The following USP37 variants were observed in gnomAD, a reference collection of about 807,000 sequenced individuals.
USP37 encodes ubiquitin carboxyl-terminal hydrolase 37.
Under a neutral mutation model 124.0 loss-of-function variants are expected in USP37, and 27 were observed. The observed-to-expected ratio is 0.22, with a 90% CI of 0.16 to 0.30. The LOEUF (loss-of-function observed/expected upper bound fraction) is 0.30. Ranked by LOEUF, USP37 falls within the 10% of genes least tolerant of loss-of-function variation. The probability of loss-of-function intolerance (pLI) is 1.00; values close to 1 mark genes in which losing one functional copy is unlikely to be tolerated. For missense variants in USP37, 889 were observed against 1,140.4 expected, an observed-to-expected ratio of 0.78 and a Z score of 3.17; for synonymous variants, 365 against 388.0, an observed-to-expected ratio of 0.94 and a Z score of 0.70.
At chr2:218,551,262 A>G (rs1315641016) in intron 5 of USP37, among the ~76,000 whole-genome samples, 6 of 152,234 alleles carry the variant, frequency 3.9e-5, no homozygotes, top group African/African-American at 1.4e-4. Context: ...TGCAAAGTAT[A>G]TAATAACCAC....
At chr2:218,540,155 TA>T (rs543133188) in intron 8 of USP37, among the ~76,000 whole-genome samples, 20 of 152,314 alleles carry the variant, frequency 1.3e-4, no homozygotes, top group African/African-American at 3.6e-4. Flanking sequence ...ATATAAGGGT[TA>T]CTTAACATAA....
chr2:218,544,428 T>A (rs59177597), intron 8 of USP37, among the ~76,000 whole-genome samples: 1 of 50,066 alleles, frequency 2.0e-5, no homozygotes, highest in East Asian at 7.2e-4. Context: ...TATATATATA[T>A]ATAGAGAGAG....
intron 11 of USP37, among the ~76,000 whole-genome samples, chr2:218,509,562 T>C (rs1689864193): frequency 6.6e-6 from 1 of 151,948 alleles, no homozygotes. Flanking sequence ...ACCTGCAACA[T>C]AGTGAGATCC....
chr2:218,466,229 T>C (rs548574390), intron 20 of USP37, 53 bp from the exon 21 acceptor site: 1 of 1,544,780 alleles, frequency 6.5e-7, no homozygotes, highest in South Asian at 1.2e-5. Flanking sequence ...AATGGAAATT[T>C]CTGAACTAGA....
At chr2:218,500,981 A>G (rs2105993684) in intron 11 of USP37, 1 of 165,540 alleles carries the variant, frequency 6.0e-6, no homozygotes, top group South Asian at 2.1e-4. Flanking sequence ...GATCAGCCAA[A>G]TCAACCCTGG....
In USP37 at chr2:218,558,675, T is replaced by C. The variant is rs752679828; in HGVS notation, c.-22A>G. 1.3e-6 allele frequency: 2 copies of C among 1,578,638 alleles called. No individual in the cohort carries two copies. The highest frequency in any genetic ancestry group is 8.6e-7 in the Non-Finnish European group (1 of 1,164,074). ...ACATATTTTCTTTAAAAATTGCTTC[T>C]GGCTAAATTAAAAAGCAAAAATATA... is the stretch of plus-strand genomic sequence containing the variant. On this transcript the variant is annotated splice_region_variant and 5_prime_UTR_variant, in exon 4 of 26. Transcript: ENST00000258399.
At chr2:218,505,182 A>AT (rs1036940593) in intron 11 of USP37, among the ~76,000 whole-genome samples, 19 of 151,380 alleles carry the variant, frequency 1.3e-4, no homozygotes, top group African/African-American at 4.4e-4. Flanking sequence ...ACTTAGCTAA[A>AT]TTTTTTTTGT....
intron 5 of USP37, among the ~76,000 whole-genome samples, chr2:218,553,241 G>A (rs1472081823): frequency 6.6e-6 from 1 of 152,146 alleles, no homozygotes; most frequent in African/African-American, 2.4e-5. Flanking sequence ...CCTTTATTAC[G>A]CTGAGTCGTT....
In USP37 at chr2:218,453,002, C is replaced by G. The variant is rs1347247357; in HGVS notation, c.*1928G>C. ...AAATATTTTCCTCTGCTCTAAACTA[C>G]TCTGGCGTTTTCTACCACTCTACCA... On this transcript the variant is annotated 3_prime_UTR_variant, in exon 26 of 26. Transcript: ENST00000258399. The G allele has an allele frequency of 6.6e-6, 1 of 152,056 alleles. No individual in the cohort carries two copies. Among genetic ancestry groups the G allele is most frequent in the Non-Finnish European group, 1.5e-5 (1 of 68,042 alleles). The allele number at this position is 152,056 out of a possible 1,614,324, so 9.4% of individuals were successfully genotyped here. A position where few individuals can be genotyped will look rare whatever the true frequency, so the allele number is the denominator to read the frequency against.
At chr2:218,459,727 A>G in intron 23 of USP37, 63 bp downstream of exon 23, 1 of 1,424,464 alleles carries the variant, frequency 7.0e-7, no homozygotes, top group Non-Finnish European at 9.7e-7. Context: ...GGGCCTTTGA[A>G]GTAAAGAGTG....
At chr2:218,495,720 A>C (rs762216421) in intron 14 of USP37, 40 bp downstream of exon 14, 3 of 1,553,306 alleles carry the variant, frequency 1.9e-6, no homozygotes, top group Non-Finnish European at 2.6e-6. Flanking sequence ...ACTTGCCATA[A>C]AGAAGTAAAA....
At chr2:218,547,820 T>C (rs955012992) in intron 6 of USP37, among the ~76,000 whole-genome samples, 1 of 152,088 alleles carries the variant, frequency 6.6e-6, no homozygotes, top group Non-Finnish European at 1.5e-5. Flanking sequence ...GAGTTCAATA[T>C]GAAGATGAAT....
intron 2 of USP37, among the ~76,000 whole-genome samples, chr2:218,562,148 A>G (rs1693346853): frequency 6.6e-6 from 1 of 152,232 alleles, no homozygotes; most frequent in Non-Finnish European, 1.5e-5. Context: ...ATGAATTGAC[A>G]GCTACATTTG....
At chr2:218,520,532 A>C (rs1305530261) in intron 10 of USP37, among the ~76,000 whole-genome samples, 1 of 151,842 alleles carries the variant, frequency 6.6e-6, no homozygotes, top group Admixed American at 6.6e-5. Flanking sequence ...TTGTATTATT[A>C]GTAGAGATGG....
chr2:218,486,827 G>A (rs750224499), intron 15 of USP37, among the ~76,000 whole-genome samples: 11 of 152,030 alleles, frequency 7.2e-5, no homozygotes, highest in Non-Finnish European at 1.5e-4. Context: ...CCAGGTTCAC[G>A]CCATTCTCCT....
chr2:218,505,228 A>G (rs1254170453), intron 11 of USP37, among the ~76,000 whole-genome samples: 1 of 152,104 alleles, frequency 6.6e-6, no homozygotes, highest in Non-Finnish European at 1.5e-5. Flanking sequence ...TGTGTTTCCC[A>G]GGCTGGTCTC....
chr2:218,498,820 TTAAC>T lies in USP37; in HGVS notation c.1026-667_1026-664del, dbSNP rs201880196. Among the ~76,000 whole-genome samples, 75 of 152,308 alleles carry T rather than the reference TTAAC, an allele frequency of 4.9e-4. No homozygotes were observed. The East Asian group carries it at 0.011, about 22-fold the overall frequency. On this transcript the variant is annotated intron_variant, in intron 11 of 25. Coordinates refer to ENST00000258399, the MANE Select transcript of USP37 (RefSeq NM_020935.3). ...ATTAATGCTAAACATGACTGGGGGCTTAACTAAAGTGCTTTTCATTCTTACTTAT... is the reference window on the plus strand; with the variant it reads ...ATTAATGCTAAACATGACTGGGGGCTTAAAGTGCTTTTCATTCTTACTTAT...
chr2:218,530,355 T>G (rs559720568), intron 9 of USP37, among the ~76,000 whole-genome samples: 1 of 152,308 alleles, frequency 6.6e-6, no homozygotes, highest in South Asian at 2.1e-4. Context: ...CTTGCAATGT[T>G]TCAAACTTTT....
At chr2:218,513,184 C>T (rs1168332203) in intron 10 of USP37, among the ~76,000 whole-genome samples, 1 of 152,020 alleles carries the variant, frequency 6.6e-6, no homozygotes, top group Non-Finnish European at 1.5e-5. Context: ...GCGTGCACCA[C>T]CATGTCTGGC....
Sources: allele counts gnomAD v4.1 joint callset (sites outside exome capture counted in the v4.1 genomes callset), GRCh38; gene constraint gnomAD v4.1.1; transcripts MANE v1.5; gene names NCBI Gene and HGNC (gene_info 2026-07-23, HGNC 2026-07-21).